Variants in ERAP1 observed in about 807,000 individuals in gnomAD.
ERAP1 encodes the protein adipocyte-derived leucine aminopeptidase.
Under a neutral mutation model 103.7 loss-of-function variants are expected in ERAP1, and 86 were observed. The observed-to-expected ratio is 0.83, with a 90% CI of 0.70 to 0.99. ERAP1 has a LOEUF of 0.99. Among genes scored for constraint, ERAP1 ranks in the 50% least tolerant of loss-of-function variants. ERAP1 has a pLI of 0.00. For synonymous variants in ERAP1, 398 were observed against 402.4 expected, an observed-to-expected ratio of 0.99 and a Z score of 0.13; for missense variants, 1,009 against 1,128.4, an observed-to-expected ratio of 0.89 and a Z score of 1.52.
the ERAP1 span, among the ~76,000 whole-genome samples, chr5:96,903,760 T>C: frequency 1.4e-4 from 22 of 152,320 alleles, no homozygotes; most frequent in African/African-American, 4.8e-4. Flanking sequence ...AATCCAATAT[T>C]TTAAAATGTG....
At chr5:96,792,448 T>C (rs1475381425) in intron 7 of ERAP1, among the ~76,000 whole-genome samples, 6 of 152,180 alleles carry the variant, frequency 3.9e-5, no homozygotes, top group African/African-American at 1.4e-4. Context: ...TTCGTATTAA[T>C]CTAAAAACGA....
the ERAP1 span, among the ~76,000 whole-genome samples, chr5:96,841,034 T>A: frequency 6.6e-6 from 1 of 152,168 alleles, no homozygotes; most frequent in Non-Finnish European, 1.5e-5. Context: ...ATGTCCCAGG[T>A]GATTAAAAAT....
the ERAP1 span, among the ~76,000 whole-genome samples, chr5:96,851,758 T>C: frequency 6.6e-6 from 1 of 152,100 alleles, no homozygotes; most frequent in Non-Finnish European, 1.5e-5. Context: ...AAGTAAGAGA[T>C]GCACAGTCAA....
intron 2 of ERAP1, 100 bp from the exon 3 acceptor site, chr5:96,801,100 G>T: frequency 5.3e-6 from 7 of 1,332,552 alleles, no homozygotes; most frequent in Non-Finnish European, 7.3e-6. Context: ...TAAGATTGAT[G>T]GATTTTGCTA....
chr5:96,817,663 C>G, the ERAP1 span, among the ~76,000 whole-genome samples: 2 of 152,220 alleles, frequency 1.3e-5, no homozygotes, highest in Non-Finnish European at 2.9e-5. Flanking sequence ...AACTTGGCCA[C>G]CAGTGAAACT....
chr5:96,902,236 T>C, the ERAP1 span: 2 of 1,379,150 alleles, frequency 1.5e-6, no homozygotes, highest in Non-Finnish European at 2.1e-6. Flanking sequence ...CACAGCAGCA[T>C]TCTTTTGGTC....
chr5:96,924,130 C>T, the ERAP1 span, among the ~76,000 whole-genome samples: 1 of 152,192 alleles, frequency 6.6e-6, no homozygotes, highest in Non-Finnish European at 1.5e-5. Flanking sequence ...TGCTAGTACA[C>T]GATGGTATAT....
At chr5:96,893,255 T>C in the ERAP1 span, among the ~76,000 whole-genome samples, 2 of 152,318 alleles carry the variant, frequency 1.3e-5, no homozygotes, top group South Asian at 4.1e-4. Flanking sequence ...AGTAAATTAT[T>C]AAAGTCACCA....
the ERAP1 span, chr5:96,912,805 T>G: frequency 2.5e-6 from 4 of 1,585,214 alleles, no homozygotes; most frequent in Admixed American, 2.0e-5. Context: ...TGAAGTAAGT[T>G]CAATAATTTA....
chr5:96,831,651 A>G, the ERAP1 span, among the ~76,000 whole-genome samples: 8 of 152,238 alleles, frequency 5.3e-5, no homozygotes, highest in East Asian at 1.9e-4. Flanking sequence ...CTCAAAGTCA[A>G]TTAGATATAG....
the ERAP1 span, among the ~76,000 whole-genome samples, chr5:96,830,196 C>T: frequency 1.3e-5 from 2 of 152,162 alleles, no homozygotes; most frequent in Admixed American, 1.3e-4. Context: ...AGCCTATGTA[C>T]AGACTGCAGA....
the ERAP1 span, among the ~76,000 whole-genome samples, chr5:96,857,375 A>T: frequency 6.6e-6 from 1 of 152,308 alleles, no homozygotes; most frequent in South Asian, 2.1e-4. Context: ...ATCATCTTGA[A>T]GGAAAGAACT....
chr5:96,897,652 A>G, the ERAP1 span, among the ~76,000 whole-genome samples: 2 of 152,292 alleles, frequency 1.3e-5, no homozygotes, highest in East Asian at 3.9e-4. Context: ...ATTCATGTAG[A>G]TAATAGGAAA....
chr5:96,806,288 TA>T (rs36020567), intron 1 of ERAP1, among the ~76,000 whole-genome samples: 58 of 151,010 alleles, frequency 3.8e-4, no homozygotes, highest in African/African-American at 1.3e-3. Flanking sequence ...GGGAGGCAGT[TA>T]AAAAAAAAGA....
At chr5:96,880,769 T>C in the ERAP1 span, among the ~76,000 whole-genome samples, 1 of 152,252 alleles carries the variant, frequency 6.6e-6, no homozygotes, top group Admixed American at 6.5e-5. Context: ...GCACATACTA[T>C]GTGCCAGGCA....
the ERAP1 span, chr5:96,915,748 T>C: frequency 1.2e-6 from 2 of 1,601,570 alleles, no homozygotes; most frequent in African/African-American, 2.7e-5. Flanking sequence ...CTCACTTTTC[T>C]TCCAAGGATA....
exon 20 of ERAP1, chr5:96,761,416 A>G (rs772893931): frequency 6.6e-6 from 1 of 152,182 alleles, no homozygotes. Context: ...AATGGACAAT[A>G]AGTATCTTAT....
intron 2 of ERAP1, among the ~76,000 whole-genome samples, chr5:96,801,369 G>A (rs748808129): frequency 2.6e-5 from 4 of 151,562 alleles, no homozygotes; most frequent in Admixed American, 6.6e-5. Flanking sequence ...GAGGTGAGAC[G>A]ATGGTTTGAG....
intron 11 of ERAP1, among the ~76,000 whole-genome samples, chr5:96,787,643 A>G (rs1386294558): frequency 1.3e-5 from 2 of 152,084 alleles, no homozygotes; most frequent in Non-Finnish European, 2.9e-5. Context: ...TTTACTGTCA[A>G]ACAGTTCAGA....
Sources: gnomAD v4.1 joint callset for allele counts (sites outside exome capture counted in the v4.1 genomes callset) on GRCh38, gnomAD v4.1.1 for gene constraint, MANE v1.5 for transcripts, NCBI Gene and HGNC (gene_info 2026-07-23, HGNC 2026-07-21) for gene names.